Variants in CPB2 observed in about 807,000 individuals in gnomAD.
CPB2 encodes carboxypeptidase B2, also known as carboxypeptidase B-like protein.
A neutral mutation model predicts 57.0 loss-of-function variants in CPB2; 54 were observed. The observed-to-expected ratio is 0.95, with a 90% CI of 0.76 to 1.19. The LOEUF is 1.19. CPB2 is among the 50% of genes most tolerant of loss of function. The pLI is 0.00. For missense variants in CPB2, 426 were observed against 512.0 expected, an observed-to-expected ratio of 0.83 and a Z score of 1.62; for synonymous variants, 189 against 178.1, an observed-to-expected ratio of 1.06 and a Z score of -0.49.
intron 8 of CPB2, among the ~76,000 whole-genome samples, chr13:46,059,451 C>T (rs2044741093): frequency 6.6e-6 from 1 of 152,102 alleles, no homozygotes; most frequent in Non-Finnish European, 1.5e-5. Context: ...ATCTCAATTT[C>T]CTTATCTGCA....
chr13:46,056,539 G>A (rs184282767), intron 9 of CPB2, among the ~76,000 whole-genome samples: 6 of 152,202 alleles, frequency 3.9e-5, no homozygotes, highest in South Asian at 4.1e-4. Context: ...ATTTATCAGC[G>A]GATATTATTT....
intron 1 of CPB2, among the ~76,000 whole-genome samples, chr13:46,104,451 A>G (rs1241832895): frequency 6.6e-6 from 1 of 152,236 alleles, no homozygotes; most frequent in Non-Finnish European, 1.5e-5. Context: ...ATAGTTCTTT[A>G]TCACACAACT....
intron 1 of CPB2, chr13:46,100,677 T>C (rs2045423422): frequency 6.6e-6 from 1 of 152,168 alleles, no homozygotes; most frequent in Admixed American, 6.5e-5. Flanking sequence ...TAAACCTGCA[T>C]GTGGCTGGTC....
In CPB2 at chr13:46,053,864, G is replaced by A. The variant is rs575640759; in HGVS notation, c.1088-66C>T. 182 of 1,475,180 alleles carry A rather than the reference G, an allele frequency of 1.2e-4. 2 individuals are homozygous for A. In the South Asian group the frequency reaches 2.1e-3, roughly 17 times the overall value. The allele number at this position is 1,475,180 out of a possible 1,614,324, so 91.4% of individuals were successfully genotyped here. A position where few individuals can be genotyped will look rare whatever the true frequency, so the allele number is the denominator to read the frequency against. ...CAAATTAATTTACAAACTGGGAATTGTTTGATTTAAATGTTTATTTGTTTG... is the reference window on the plus strand; with the variant it reads ...CAAATTAATTTACAAACTGGGAATTATTTGATTTAAATGTTTATTTGTTTG... On this transcript the variant is annotated intron_variant, in intron 10 of 10. Coordinates refer to ENST00000181383, the MANE Select transcript of CPB2 (RefSeq NM_001872.5).
rs747877388 is a variant in CPB2 at position 46,084,256 on chromosome 13, C to A, written c.238G>T (p.Val80Leu). The A allele has an allele frequency of 6.2e-7, 1 of 1,614,188 alleles. No homozygotes were observed. The highest frequency in any genetic ancestry group is 1.1e-5 in the South Asian group (1 of 91,084). ...FFVNASDVDN[V>L]KAHLNVSGIP... is the part of the protein sequence containing the mutation. ...CCGCTCACATTTAAATGGGCTTTCA[C>A]ATTGTCGACATCAGATGCATTTACA... Residue 80 changes from valine to leucine, a missense_variant, in exon 3 of 11, where the codon GTG becomes TTG. Transcript: ENST00000181383.
intron 2 of CPB2, 78 bp from the exon 3 acceptor site, chr13:46,084,421 C>A: frequency 6.6e-7 from 1 of 1,515,298 alleles, no homozygotes; most frequent in Non-Finnish European, 9.0e-7. Flanking sequence ...AGAGCCATGA[C>A]AGTTTTATCT....
At chr13:46,087,883 A>G in intron 1 of CPB2, 63 bp from the exon 2 acceptor site, 4 of 1,120,984 alleles carry the variant, frequency 3.6e-6, no homozygotes, top group Non-Finnish European at 5.3e-6. Flanking sequence ...AATATATTAT[A>G]CTGTGAGGAG....
intron 1 of CPB2, among the ~76,000 whole-genome samples, chr13:46,090,648 C>A (rs966465635): frequency 2.6e-5 from 4 of 151,372 alleles, no homozygotes; most frequent in African/African-American, 9.7e-5. Context: ...AGGTGTGAGC[C>A]ACTGCACACA....
chr13:46,062,293 T>C (rs1196171914), intron 8 of CPB2, among the ~76,000 whole-genome samples: 1 of 152,224 alleles, frequency 6.6e-6, no homozygotes, highest in Non-Finnish European at 1.5e-5. Context: ...AACTTGGGTT[T>C]ATAGCCCAGC....
intron 1 of CPB2, chr13:46,100,442 T>C (rs2045419865): frequency 6.6e-6 from 1 of 152,128 alleles, no homozygotes; most frequent in African/African-American, 2.4e-5. Flanking sequence ...AAACAGGCTA[T>C]ATAAAAAGCT....
intron 6 of CPB2, among the ~76,000 whole-genome samples, chr13:46,070,767 T>C (rs898502467): frequency 6.6e-6 from 1 of 152,222 alleles, no homozygotes; most frequent in Non-Finnish European, 1.5e-5. Flanking sequence ...AATCTCTATA[T>C]ATGTATGTAT....
chr13:46,071,681 G>A (rs953499285), intron 6 of CPB2, among the ~76,000 whole-genome samples: 30 of 152,308 alleles, frequency 2.0e-4, no homozygotes, highest in African/African-American at 7.2e-4. Context: ...AAGTTTCTGA[G>A]AAGAGAAGGA....
chr13:46,059,903 C>T (rs914104524), intron 8 of CPB2, among the ~76,000 whole-genome samples: 2 of 152,182 alleles, frequency 1.3e-5, no homozygotes, highest in African/African-American at 4.8e-5. Context: ...CATCTAAGGT[C>T]TTCCCAAGTA....
rs1001489938 is a variant in CPB2, at chr13:46,053,423, G to T, written c.*191C>A. ...AGACTTTTACAATTTTTTTTAAAGGGTAAAAAGACATGAACCCTAGTCTGC... is the reference window on the plus strand; with the variant it reads ...AGACTTTTACAATTTTTTTTAAAGGTTAAAAAGACATGAACCCTAGTCTGC... On this transcript the variant is annotated 3_prime_UTR_variant, in exon 11 of 11. Transcript: ENST00000181383. 5.4e-5 allele frequency: 42 copies of T among 775,022 alleles called. No individual in the cohort carries two copies. In the African/African-American group the frequency reaches 7.2e-4, roughly 13 times the overall value. The allele number at this position is 775,022 out of a possible 1,614,324, so 48.0% of individuals were successfully genotyped here. A position where few individuals can be genotyped will look rare whatever the true frequency, so the allele number is the denominator to read the frequency against.
Position 46,058,164 on chromosome 13 carries a change from T to C in CPB2, c.999+15A>G, listed in dbSNP as rs1253035477. On this transcript the variant is annotated intron_variant, in intron 9 of 10. Coordinates refer to ENST00000181383, the MANE Select transcript of CPB2 (RefSeq NM_001872.5). The stretch of plus-strand genomic sequence containing the variant: ...TCCAAAATGCTAATGAGAAAAATAA[T>C]TAAGTAGCACTTACCAGTTCCTCAT... The C allele has an allele frequency of 2.5e-6, 4 of 1,592,634 alleles. No homozygotes were observed. Among genetic ancestry groups the C allele is most frequent in the Non-Finnish European group, 3.4e-6 (4 of 1,167,184 alleles).
chr13:46,060,634 C>T (rs867538690), intron 8 of CPB2, among the ~76,000 whole-genome samples: 5 of 152,066 alleles, frequency 3.3e-5, no homozygotes, highest in Admixed American at 6.5e-5. Context: ...ATTTAACACT[C>T]AGTGTATGTC....
intron 8 of CPB2, among the ~76,000 whole-genome samples, chr13:46,062,549 G>A (rs1566398849): frequency 6.6e-6 from 1 of 152,170 alleles, no homozygotes. Context: ...GAACACGAGT[G>A]GTTTTTTAGG....
chr13:46,062,464 A>G (rs1468433549), intron 8 of CPB2, among the ~76,000 whole-genome samples: 1 of 152,112 alleles, frequency 6.6e-6, no homozygotes, highest in Non-Finnish European at 1.5e-5. Context: ...ATTTACTTAG[A>G]TTCTTTTTAC....
rs1385668374 is a variant in CPB2 at position 46,102,609 on chromosome 13, T to A, written c.74+2327A>T. Among the ~76,000 whole-genome samples the A allele has an allele frequency of 1.4e-5, 2 of 147,384 alleles. 1 individual carries two copies. Among genetic ancestry groups the A allele is most frequent in the Non-Finnish European group, 3.0e-5 (2 of 67,172 alleles). On this transcript the variant is annotated intron_variant, in intron 1 of 10. Coordinates refer to ENST00000181383, the MANE Select transcript of CPB2 (RefSeq NM_001872.5). ...GACTGTTAGTTTTTTTTTTTTTTTT[T>A]AGAAGGGTTGATATTCTGAACCCCA...
Sources: allele counts gnomAD v4.1 joint callset (sites outside exome capture counted in the v4.1 genomes callset), GRCh38; gene constraint gnomAD v4.1.1; transcripts MANE v1.5; gene names NCBI Gene and HGNC (gene_info 2026-07-23, HGNC 2026-07-21).